The following PIBF1 variants were observed in gnomAD, a reference collection of about 807,000 sequenced individuals.
The protein encoded by PIBF1 is progesterone-induced-blocking factor 1.
A neutral mutation model predicts 112.5 loss-of-function variants in PIBF1; 90 were observed. The observed-to-expected ratio is 0.80, with a 90% CI of 0.67 to 0.95. The LOEUF is 0.95. PIBF1 is among the 40% of genes least tolerant of loss of function. The pLI is 0.00. For missense variants in PIBF1, 915 were observed against 852.3 expected (o/e 1.07, Z -0.92); for synonymous variants, 301 against 288.6 (o/e 1.04, Z -0.44).
intron 10 of PIBF1, among the ~76,000 whole-genome samples, chr13:72,878,615 AT>A (rs1325123285): frequency 3.3e-5 from 5 of 152,174 alleles, no homozygotes; most frequent in Non-Finnish European, 5.9e-5. Flanking sequence ...GTATTCTGCT[AT>A]TGTTGATAAA....
intron 3 of PIBF1, 37 bp downstream of exon 3, chr13:72,792,584 A>T: frequency 9.4e-7 from 1 of 1,064,496 alleles, no homozygotes; most frequent in Non-Finnish European, 1.4e-6. Context: ...AACAACATCT[A>T]TTTAGCAATT....
At chr13:72,859,757 A>G (rs188495258) in intron 10 of PIBF1, among the ~76,000 whole-genome samples, 23 of 152,334 alleles carry the variant, frequency 1.5e-4, no homozygotes, top group Admixed American at 1.2e-3. Flanking sequence ...ATTATCCTAC[A>G]GTAATAGAAG....
rs2036636443 is a variant in PIBF1 at position 72,823,114 on chromosome 13, A to G, written c.806+1132A>G. Among the ~76,000 whole-genome samples the G allele has an allele frequency of 2.6e-5, 4 of 152,318 alleles. No homozygotes were observed. The South Asian group carries it at 8.3e-4, about 32-fold the overall frequency. ...ATCTCTTAAAAATATAAAATAAAAA[A>G]GAATAAAAATGAAATAGATTATGAT... On this transcript the variant is annotated intron_variant, in intron 6 of 17. Transcript: ENST00000326291.
At chr13:72,822,847 T>C (rs1353026570) in intron 6 of PIBF1, among the ~76,000 whole-genome samples, 1 of 152,238 alleles carries the variant, frequency 6.6e-6, no homozygotes, top group Non-Finnish European at 1.5e-5. Flanking sequence ...TATGGCATTA[T>C]GCCAAAATAT....
intron 6 of PIBF1, among the ~76,000 whole-genome samples, chr13:72,822,947 G>A (rs1414454602): frequency 1.3e-5 from 2 of 152,136 alleles, no homozygotes; most frequent in Non-Finnish European, 2.9e-5. Context: ...TAAAAATGAA[G>A]TAGAGGGCAT....
At chr13:72,957,399 G>A (rs2042476949) in intron 14 of PIBF1, among the ~76,000 whole-genome samples, 1 of 152,160 alleles carries the variant, frequency 6.6e-6, no homozygotes, top group South Asian at 2.1e-4. Context: ...TATTCTAAGT[G>A]AAGTAACTCA....
intron 16 of PIBF1, among the ~76,000 whole-genome samples, chr13:72,990,422 G>A (rs2043438362): frequency 6.6e-6 from 1 of 151,094 alleles, no homozygotes; most frequent in African/African-American, 2.4e-5. Flanking sequence ...TCAGGAGGCT[G>A]AGGCAGGAGA....
At chr13:72,929,201 G>C (rs2041628224) in intron 13 of PIBF1, among the ~76,000 whole-genome samples, 1 of 152,162 alleles carries the variant, frequency 6.6e-6, no homozygotes, top group Non-Finnish European at 1.5e-5. Flanking sequence ...ATAGCTCCAA[G>C]ATTTTTTAAT....
At chr13:72,976,995 CT>C (rs2043038994) in intron 16 of PIBF1, among the ~76,000 whole-genome samples, 1 of 152,176 alleles carries the variant, frequency 6.6e-6, no homozygotes, top group African/African-American at 2.4e-5. Context: ...GCCACTGCTT[CT>C]TTACCTAAGG....
At chr13:72,884,836 C>A (rs2039780659) in intron 10 of PIBF1, among the ~76,000 whole-genome samples, 1 of 152,026 alleles carries the variant, frequency 6.6e-6, no homozygotes, top group Admixed American at 6.6e-5. Flanking sequence ...AACAGAAATA[C>A]TAACAAGTAA....
intron 14 of PIBF1, among the ~76,000 whole-genome samples, chr13:72,932,381 C>G (rs1210519970): frequency 6.6e-6 from 1 of 152,024 alleles, no homozygotes; most frequent in African/African-American, 2.4e-5. Flanking sequence ...TTTAGAGTGT[C>G]TTTTCATACT....
chr13:72,991,994 A>G (rs910955275), intron 16 of PIBF1, among the ~76,000 whole-genome samples: 2 of 152,206 alleles, frequency 1.3e-5, no homozygotes, highest in African/African-American at 4.8e-5. Context: ...CTGGGATTAC[A>G]GGCGTCAGCC....
intron 12 of PIBF1, among the ~76,000 whole-genome samples, chr13:72,909,597 C>T (rs917013805): frequency 1.6e-4 from 25 of 151,616 alleles, no homozygotes; most frequent in Non-Finnish European, 3.1e-4. Flanking sequence ...CGGTTTCAAG[C>T]GATTCTTCTG....
At chr13:72,793,963 A>G (rs1566276977) in intron 3 of PIBF1, among the ~76,000 whole-genome samples, 1 of 152,182 alleles carries the variant, frequency 6.6e-6, no homozygotes, top group Non-Finnish European at 1.5e-5. Flanking sequence ...TCATTAGGCT[A>G]TAGACAGTAT....
intron 10 of PIBF1, among the ~76,000 whole-genome samples, chr13:72,893,411 T>C (rs2040137503): frequency 6.6e-6 from 1 of 152,080 alleles, no homozygotes; most frequent in Admixed American, 6.6e-5. Context: ...TATTTAGACT[T>C]AGGATGAAAT....
chr13:72,977,180 G>GTTGTT (rs10617060), intron 16 of PIBF1, among the ~76,000 whole-genome samples: 34 of 151,148 alleles, frequency 2.2e-4, no homozygotes, highest in Non-Finnish European at 3.1e-4. Flanking sequence ...TTAATGTTGT[G>GTTGTT]TTGTTTTGTT....
chr13:72,839,555 C>G (rs989907044), intron 9 of PIBF1, among the ~76,000 whole-genome samples: 2 of 152,114 alleles, frequency 1.3e-5, no homozygotes, highest in African/African-American at 4.8e-5. Flanking sequence ...CAAATAAGTA[C>G]TGTTGGTTCT....
At chr13:72,909,610 T>C (rs1237657595) in intron 12 of PIBF1, among the ~76,000 whole-genome samples, 1 of 151,946 alleles carries the variant, frequency 6.6e-6, no homozygotes, top group African/African-American at 2.4e-5. Flanking sequence ...TTCTTCTGCC[T>C]CAGCCTCCGG....
intron 11 of PIBF1, among the ~76,000 whole-genome samples, chr13:72,903,022 A>G (rs757169689): frequency 2.6e-5 from 4 of 151,636 alleles, no homozygotes; most frequent in Non-Finnish European, 2.9e-5. Context: ...CAGCCTCCCG[A>G]GTAGCTAAGA....
Sources: gnomAD v4.1 joint callset for allele counts (sites outside exome capture counted in the v4.1 genomes callset) on GRCh38, gnomAD v4.1.1 for gene constraint, MANE v1.5 for transcripts, NCBI Gene and HGNC (gene_info 2026-07-23, HGNC 2026-07-21) for gene names.